The following MVD variants were observed in gnomAD, a reference collection of about 807,000 sequenced individuals.
MVD encodes diphosphomevalonate decarboxylase.
A neutral mutation model predicts 42.4 loss-of-function variants in MVD; 52 were observed. That is an observed-to-expected ratio of 1.23 (90% CI 0.98 to 1.55). The LOEUF is 1.55. Among genes scored for constraint, MVD ranks in the 40% most tolerant of loss-of-function variants. The pLI, the probability that MVD is intolerant of heterozygous loss-of-function variation, is 0.00. For synonymous variants in MVD, 287 were observed against 243.2 expected (o/e 1.18, Z -1.68); for missense variants, 663 against 572.1 (o/e 1.16, Z -1.62).
chr16:88,658,868 C>T, intron 1 of MVD, 148 bp from the exon 2 acceptor site: 1 of 675,356 alleles, frequency 1.5e-6, no homozygotes, highest in South Asian at 1.7e-5. Flanking sequence ...CTCCTCCTGC[C>T]AGACCCCGGC....
chr16:88,661,605 G>C (rs114123578), intron 1 of MVD, among the ~76,000 whole-genome samples: 3 of 151,926 alleles, frequency 2.0e-5, no homozygotes, highest in East Asian at 3.9e-4. Context: ...TATGAAGAGA[G>C]ATTTCACCAA....
chr16:88,661,672 C>G (rs1271522491), intron 1 of MVD, among the ~76,000 whole-genome samples: 1 of 151,964 alleles, frequency 6.6e-6, no homozygotes, highest in Non-Finnish European at 1.5e-5. Context: ...CACTGGCCAA[C>G]AGGGAAACGC....
intron 4 of MVD, 125 bp from the exon 5 acceptor site, chr16:88,656,429 G>A (rs371624588): frequency 1.9e-6 from 2 of 1,051,470 alleles, no homozygotes; most frequent in Admixed American, 2.2e-5. Flanking sequence ...CAGGGCTTCT[G>A]GGCCATCAGC....
intron 1 of MVD, chr16:88,660,735 C>T (rs578197231): frequency 4.0e-5 from 6 of 150,140 alleles, no homozygotes; most frequent in Admixed American, 1.3e-4. Context: ...AGGCCAGACG[C>T]GGTGGCTCAC....
At position 88,655,712 on chromosome 16, in the gene MVD, G is replaced by T. The variant is rs1333589726; in HGVS notation, c.622C>A (p.Leu208Met). ...CGCATGCCCACGGTACTGCCTGTCA[G>T]CTTCTTCTCAGCGCTCACCTGCACG... is the stretch of plus-strand genomic sequence containing the variant. ...LILVVSAEKK[L>M]TGSTVGMRAS... Residue 208 changes from leucine (L) to methionine (M), a missense_variant, in exon 6 of 10, where the codon CTG becomes ATG. By Grantham distance (15) the Leu-to-Met change is conservative (BLOSUM62 2). Transcript: ENST00000301012. The T allele has an allele frequency of 6.4e-7, 1 of 1,559,612 alleles. No individual in the cohort carries two copies.
chr16:88,662,806 G>A (rs1908394569), intron 1 of MVD: 1 of 1,472,114 alleles, frequency 6.8e-7, no homozygotes, highest in South Asian at 1.3e-5. Flanking sequence ...GCCGTCGCGG[G>A]GGAACGGGTG....
Position 88,657,918 on chromosome 16 carries a change from C to T in MVD, c.253G>A (p.Glu85Lys), listed in dbSNP as rs887405693. The change falls in exon 3 of 10, where the codon GAG (glutamate) becomes AAG (lysine). Residue 85 changes from glutamate to lysine, a missense_variant. Transcript: ENST00000301012. ...GCTTATGGGGACCCCAGCTCACTCTCCCGCAGGCAGGCCTGCAGCCGCGGC... is the reference window on the plus strand; with the variant it reads ...GCTTATGGGGACCCCAGCTCACTCTTCCGCAGGCAGGCCTGCAGCCGCGGC... ...GQPRLQACLR[E>K]IRCLARKRRN... is the part of the protein sequence containing the mutation. 4 of 1,613,350 alleles carry T rather than the reference C, an allele frequency of 2.5e-6. No homozygotes were observed. The South Asian group carries it at 4.4e-5, about 18-fold the overall frequency.
intron 3 of MVD, 47 bp downstream of exon 3, chr16:88,657,868 C>T (rs760020426): frequency 1.3e-6 from 2 of 1,578,772 alleles, no homozygotes; most frequent in South Asian, 2.2e-5. Flanking sequence ...GATGCTCGGA[C>T]CCTGCTGACA....
At chr16:88,655,447 C>T in intron 6 of MVD, 30 bp from the exon 7 acceptor site, 1 of 1,545,970 alleles carries the variant, frequency 6.5e-7, no homozygotes, top group Non-Finnish European at 8.7e-7. Flanking sequence ...TCCCATGGAG[C>T]CGCTGGGGGT....
At chr16:88,653,191 C>T in intron 9 of MVD, 109 bp downstream of exon 9, 1 of 811,680 alleles carries the variant, frequency 1.2e-6, no homozygotes, top group South Asian at 1.6e-5. Flanking sequence ...CTGCCTGAGA[C>T]ACGGTAGGGA....
intron 4 of MVD, chr16:88,657,092 A>C: frequency 4.4e-6 from 2 of 458,226 alleles, no homozygotes; most frequent in South Asian, 3.6e-5. Flanking sequence ...GGGGCTCCAC[A>C]TACAGCAACG....
intron 8 of MVD, among the ~76,000 whole-genome samples, chr16:88,653,758 C>T (rs1907727004): frequency 6.6e-6 from 1 of 152,114 alleles, no homozygotes. Context: ...GGGGTAACAG[C>T]TCAGGGAAGC....
rs377692353 is a variant in MVD at position 88,656,234 on chromosome 16, G to A, written c.474C>T (p.Ser158=). Residue 158 remains serine, a synonymous_variant, in exon 5 of 10, where the codon AGC becomes AGT. Coordinates refer to ENST00000301012, the MANE Select transcript of MVD (RefSeq NM_002461.3). Reference sequence around the variant, plus strand: ...AGCCCCCATACAGGCTCCGGCAGGCGCTGCCTGAGCCCCGGCGAGCCACTT... The same window carrying A: ...AGCCCCCATACAGGCTCCGGCAGGCACTGCCTGAGCCCCGGCGAGCCACTT... ...LSEVARRGSG[S]ACRSLYGGFV... 1.7e-5 allele frequency: 28 copies of A among 1,600,044 alleles called. No individual in the cohort carries two copies. The East Asian group carries it at 2.0e-4, about 11-fold the overall frequency.
chr16:88,655,134 G>T lies in MVD; in HGVS notation c.897+65C>A, dbSNP rs1042826874. On this transcript the variant is annotated intron_variant, in intron 7 of 9. Transcript: ENST00000301012. ...ACGCGAGCCCCGGGGCCGTCTCCAC[G>T]GCAGCACAAGCCTAGACACGCGCTA... is the stretch of plus-strand genomic sequence containing the variant. The T allele has an allele frequency of 8.5e-6, 13 of 1,523,376 alleles. No individual in the cohort carries two copies. The African/African-American group carries it at 1.7e-4, about 19-fold the overall frequency. The allele number at this position is 1,523,376 out of a possible 1,614,324, so 94.4% of individuals were successfully genotyped here.
chr16:88,655,604 C>G, intron 6 of MVD, 52 bp downstream of exon 6: 1 of 1,540,606 alleles, frequency 6.5e-7, no homozygotes, highest in Non-Finnish European at 8.7e-7. Context: ...AGGGCAGAGC[C>G]GGGCACAAGC....
intron 1 of MVD, among the ~76,000 whole-genome samples, chr16:88,660,308 C>A (rs995605896): frequency 6.6e-6 from 1 of 152,202 alleles, no homozygotes; most frequent in Non-Finnish European, 1.5e-5. Flanking sequence ...TTAAAGAAGA[C>A]CAGAGTCTCT....
At chr16:88,657,633 C>T (rs781060420) in intron 3 of MVD, 51 bp from the exon 4 acceptor site, 97 of 1,591,886 alleles carry the variant, frequency 6.1e-5, no homozygotes, top group Non-Finnish European at 7.8e-5. Flanking sequence ...ACCCTGCCCG[C>T]CCTGCTCCTG....
intron 9 of MVD, 140 bp downstream of exon 9, chr16:88,653,160 G>A: frequency 1.5e-6 from 1 of 678,830 alleles, no homozygotes; most frequent in Non-Finnish European, 2.6e-6. Context: ...GCAAATGAAT[G>A]GACAAAGGCG....
chr16:88,659,970 C>G (rs897502872), intron 1 of MVD, among the ~76,000 whole-genome samples: 4 of 132,330 alleles, frequency 3.0e-5, no homozygotes, highest in Admixed American at 7.9e-5. Flanking sequence ...GAGGGAGACC[C>G]TTTCTCAAAA....
Sources: allele counts gnomAD v4.1 joint callset (sites outside exome capture counted in the v4.1 genomes callset), GRCh38; gene constraint gnomAD v4.1.1; transcripts MANE v1.5; gene names NCBI Gene and HGNC (gene_info 2026-07-23, HGNC 2026-07-21).